DOCK4: variants seen among roughly 807,000 people sequenced by gnomAD.
The protein encoded by DOCK4 is dedicator of cytokinesis protein 4.
In DOCK4, 97 loss-of-function variants were observed where a neutral mutation model predicts 268.1. That is an observed-to-expected ratio of 0.36 (90% CI 0.31 to 0.43). The LOEUF is 0.43. Ranked by LOEUF, DOCK4 falls within the 20% of genes least tolerant of loss-of-function variation. The pLI is 1.00. For synonymous variants in DOCK4, 954 were observed against 887.2 expected (o/e 1.08, Z -1.34); for missense variants, 2,145 against 2,455.7 (o/e 0.87, Z 2.67).
intron 1 of DOCK4, among the ~76,000 whole-genome samples, chr7:112,164,712 A>G (rs1399696677): frequency 6.6e-6 from 1 of 152,234 alleles, no homozygotes; most frequent in Non-Finnish European, 1.5e-5. Context: ...TATGCCAGAC[A>G]TCATGCTAAA....
At chr7:111,882,328 C>G (rs1807458179) in intron 16 of DOCK4, among the ~76,000 whole-genome samples, 1 of 152,010 alleles carries the variant, frequency 6.6e-6, no homozygotes. Context: ...GTTAACATCA[C>G]CTGGGTAATG....
At chr7:111,996,319 G>A (rs1402424557) in intron 4 of DOCK4, among the ~76,000 whole-genome samples, 1 of 152,178 alleles carries the variant, frequency 6.6e-6, no homozygotes, top group South Asian at 2.1e-4. Context: ...TTTAGGCAAG[G>A]TGACTGTTTT....
intron 28 of DOCK4, among the ~76,000 whole-genome samples, chr7:111,811,426 A>G (rs191720591): frequency 3.9e-4 from 59 of 152,306 alleles, no homozygotes; most frequent in African/African-American, 1.4e-3. Context: ...ATATCACATT[A>G]TATCATAGAT....
chr7:112,113,149 A>G (rs1334629447), intron 1 of DOCK4, among the ~76,000 whole-genome samples: 1 of 152,228 alleles, frequency 6.6e-6, no homozygotes, highest in East Asian at 1.9e-4. Flanking sequence ...GAAATTCCTG[A>G]GGCAAAGTGG....
At position 111,834,556 on chromosome 7, in the gene DOCK4, T is replaced by C. The variant is rs1184917597; in HGVS notation, c.2835+32A>G. 4.1e-6 allele frequency: 6 copies of C among 1,455,006 alleles called. No individual in the cohort carries two copies. In the East Asian group the frequency reaches 1.2e-4, roughly 30 times the overall value. The allele number at this position is 1,455,006 out of a possible 1,614,324, so 90.1% of individuals were successfully genotyped here. A position where few individuals can be genotyped will look rare whatever the true frequency, so the allele number is the denominator to read the frequency against. ...AAAAACAAGATAAACCCAAAAGATA[T>C]GTTAAAGAAAACATTTTAAAATGTC... On this transcript the variant is annotated intron_variant, in intron 26 of 52. Coordinates refer to ENST00000428084, the MANE Select transcript of DOCK4 (RefSeq NM_001363540.2).
At chr7:112,122,417 T>C (rs997005541) in intron 1 of DOCK4, among the ~76,000 whole-genome samples, 39 of 152,244 alleles carry the variant, frequency 2.6e-4, no homozygotes, top group African/African-American at 2.4e-5. Context: ...TGTTTTAAGA[T>C]TGTCTCTTTT....
At chr7:111,898,444 C>T (rs962147938) in intron 15 of DOCK4, among the ~76,000 whole-genome samples, 1 of 152,200 alleles carries the variant, frequency 6.6e-6, no homozygotes, top group African/African-American at 2.4e-5. Context: ...TTTAAGTCTT[C>T]ACTGCACTTC....
At chr7:112,125,573 A>G (rs1813140240) in intron 1 of DOCK4, among the ~76,000 whole-genome samples, 1 of 152,216 alleles carries the variant, frequency 6.6e-6, no homozygotes, top group South Asian at 2.1e-4. Flanking sequence ...TACATGATTA[A>G]AACTAGAGAC....
intron 10 of DOCK4, among the ~76,000 whole-genome samples, chr7:111,942,953 T>C (rs1795326247): frequency 6.6e-6 from 1 of 152,214 alleles, no homozygotes; most frequent in Non-Finnish European, 1.5e-5. Context: ...GCTATTTCTT[T>C]GTGGCACTGA....
intron 1 of DOCK4, among the ~76,000 whole-genome samples, chr7:112,165,685 A>G (rs1817556596): frequency 6.6e-6 from 1 of 152,058 alleles, no homozygotes; most frequent in African/African-American, 2.4e-5. Context: ...TGATATTTAA[A>G]TATCAAGTAC....
At chr7:111,805,856 C>T (rs1013853072) in intron 30 of DOCK4, among the ~76,000 whole-genome samples, 2 of 152,140 alleles carry the variant, frequency 1.3e-5, no homozygotes, top group African/African-American at 2.4e-5. Flanking sequence ...CATTTCCTCC[C>T]TTCATCTTAT....
intron 1 of DOCK4, among the ~76,000 whole-genome samples, chr7:112,136,360 C>T (rs1466750861): frequency 1.3e-5 from 2 of 151,976 alleles, no homozygotes; most frequent in Non-Finnish European, 2.9e-5. Context: ...TAACATCATG[C>T]CAGAATTCCC....
At chr7:112,038,631 T>C (rs2135494109) in intron 1 of DOCK4, among the ~76,000 whole-genome samples, 1 of 152,258 alleles carries the variant, frequency 6.6e-6, no homozygotes, top group East Asian at 1.9e-4. Flanking sequence ...ACCCACTCAG[T>C]GTCATTAAGT....
intron 1 of DOCK4, among the ~76,000 whole-genome samples, chr7:112,132,804 G>T (rs1031763941): frequency 1.3e-5 from 2 of 152,150 alleles, no homozygotes; most frequent in Non-Finnish European, 2.9e-5. Flanking sequence ...TTTACTCCTG[G>T]TTTAAACTTC....
chr7:112,058,880 G>T (rs1806095217), intron 1 of DOCK4, among the ~76,000 whole-genome samples: 1 of 144,096 alleles, frequency 6.9e-6, no homozygotes, highest in Non-Finnish European at 1.5e-5. Context: ...GGGAAGTGAA[G>T]GCAGAAAGAA....
chr7:111,927,933 G>A lies in DOCK4; in HGVS notation c.1066+7607C>T, dbSNP rs545085055. 1.2e-4 allele frequency among the ~76,000 whole-genome samples: 18 copies of A among 152,258 alleles called. No individual in the cohort carries two copies. In the South Asian group the frequency reaches 3.7e-3, roughly 32 times the overall value. The stretch of plus-strand genomic sequence containing the variant: ...ACATCCTTATCTCTGAAAACAAAGT[G>A]TTGCAGAGAAGAACCTGAATAAACA... On this transcript the variant is annotated intron_variant, in intron 12 of 52. Coordinates refer to ENST00000428084, the MANE Select transcript of DOCK4 (RefSeq NM_001363540.2).
chr7:111,796,812 C>T (rs903628578), intron 30 of DOCK4, among the ~76,000 whole-genome samples: 1 of 152,164 alleles, frequency 6.6e-6, no homozygotes, highest in African/African-American at 2.4e-5. Flanking sequence ...AAGGGGGAAT[C>T]ATACAAGGTG....
At chr7:111,920,005 A>G (rs904803702) in intron 12 of DOCK4, among the ~76,000 whole-genome samples, 1 of 152,224 alleles carries the variant, frequency 6.6e-6, no homozygotes, top group Non-Finnish European at 1.5e-5. Flanking sequence ...CATAATGAAG[A>G]CTAAGAAACT....
intron 25 of DOCK4, among the ~76,000 whole-genome samples, chr7:111,838,255 A>C (rs1445297198): frequency 6.6e-6 from 1 of 152,170 alleles, no homozygotes. Context: ...TAGTCAAAAC[A>C]ACTTTGAAAA....
Sources: gnomAD v4.1 joint callset for allele counts (sites outside exome capture counted in the v4.1 genomes callset) on GRCh38, gnomAD v4.1.1 for gene constraint, MANE v1.5 for transcripts, NCBI Gene and HGNC (gene_info 2026-07-23, HGNC 2026-07-21) for gene names.